VTI1A: variants seen among roughly 807,000 people sequenced by gnomAD.
VTI1A encodes the protein vesicle transport through interaction with t-SNAREs homolog 1A.
In VTI1A, 22 loss-of-function variants were observed where a neutral mutation model predicts 34.9. The ratio of observed to expected loss-of-function variants is 0.63; its 90% CI spans 0.45 to 0.90. The LOEUF is 0.90. VTI1A is among the 40% of genes least tolerant of loss of function. The pLI is 0.00. For missense variants in VTI1A, 268 were observed against 275.6 expected (o/e 0.97, Z 0.20); for synonymous variants, 87 against 97.3 (o/e 0.89, Z 0.62).
rs965823084 is a variant in VTI1A, at chr10:112,816,022, C to A, written c.*639C>A. 1.8e-4 allele frequency: 40 copies of A among 222,800 alleles called. No homozygotes were observed. Among genetic ancestry groups the A allele is most frequent in the African/African-American group, 7.6e-4 (34 of 44,730 alleles). 13.8% of individuals were successfully genotyped at this position (222,800 alleles called of 1,614,324 possible). On this transcript the variant is annotated 3_prime_UTR_variant, in exon 8 of 8. Coordinates refer to ENST00000393077, the MANE Select transcript of VTI1A (RefSeq NM_145206.4). Reference sequence around the variant, plus strand: ...ACCCAAAGATATTTTTTTTGCTGAGCCTGCCCAGTATTCACTGTTCACAAC... The same window carrying A: ...ACCCAAAGATATTTTTTTTGCTGAGACTGCCCAGTATTCACTGTTCACAAC...
chr10:112,714,213 A>G (rs1849527281), intron 7 of VTI1A, among the ~76,000 whole-genome samples: 1 of 152,140 alleles, frequency 6.6e-6, no homozygotes, highest in Admixed American at 6.5e-5. Context: ...GGAAATGGGG[A>G]CATGTGATAT....
intron 5 of VTI1A, among the ~76,000 whole-genome samples, chr10:112,636,022 T>C (rs1235567658): frequency 6.6e-6 from 1 of 152,192 alleles, no homozygotes; most frequent in Non-Finnish European, 1.5e-5. Context: ...TTGGAGAATG[T>C]AGGAAAGAAA....
At chr10:112,465,627 A>G (rs921364294) in intron 3 of VTI1A, among the ~76,000 whole-genome samples, 8 of 152,230 alleles carry the variant, frequency 5.3e-5, no homozygotes, top group African/African-American at 1.9e-4. Context: ...AATACTACAT[A>G]ATTCCACTGA....
intron 7 of VTI1A, among the ~76,000 whole-genome samples, chr10:112,756,852 G>T (rs1206590885): frequency 6.6e-6 from 1 of 152,022 alleles, no homozygotes; most frequent in Non-Finnish European, 1.5e-5. Flanking sequence ...CTCAAAACCA[G>T]CCTGGGCAAC....
rs144015720 is a variant in VTI1A, at chr10:112,515,489, G to A, written c.265-11598G>A. ...ATAGCCTGAGATATAGTGTAACTGT[G>A]GTGAGGTCAATTTACTAGTTTTTGC... On this transcript the variant is annotated intron_variant, in intron 3 of 7. Coordinates refer to ENST00000393077, the MANE Select transcript of VTI1A (RefSeq NM_145206.4). 1.2e-3 allele frequency among the ~76,000 whole-genome samples: 184 copies of A among 152,086 alleles called. 1 individual carries two copies. Among genetic ancestry groups the A allele is most frequent in the African/African-American group, 3.9e-3 (163 of 41,528 alleles).
At chr10:112,717,662 G>T (rs1258054622) in intron 7 of VTI1A, among the ~76,000 whole-genome samples, 1 of 152,122 alleles carries the variant, frequency 6.6e-6, no homozygotes, top group Non-Finnish European at 1.5e-5. Context: ...AAAGCAAGAG[G>T]CAGAAGCTGT....
the VTI1A span, among the ~76,000 whole-genome samples, chr10:112,835,934 G>T: frequency 6.6e-6 from 1 of 152,146 alleles, no homozygotes; most frequent in East Asian, 1.9e-4. Flanking sequence ...GAAATTGCCC[G>T]CAAATGGACA....
At chr10:112,736,889 A>G (rs1850500832) in intron 7 of VTI1A, 1 of 736,998 alleles carries the variant, frequency 1.4e-6, no homozygotes, top group Non-Finnish European at 2.4e-6. Flanking sequence ...TGCTGGTGGA[A>G]GTATTTATAG....
chr10:112,526,375 G>A (rs1455711554), intron 3 of VTI1A, among the ~76,000 whole-genome samples: 1 of 152,058 alleles, frequency 6.6e-6, no homozygotes, highest in Non-Finnish European at 1.5e-5. Flanking sequence ...TAGCCTACTT[G>A]CCTTTATTTA....
intron 5 of VTI1A, among the ~76,000 whole-genome samples, chr10:112,595,470 AAAAC>A (rs1233893748): frequency 2.1e-4 from 32 of 152,320 alleles, no homozygotes; most frequent in African/African-American, 5.8e-4. Flanking sequence ...TACAAGAAAA[AAAAC>A]AAACAACCCC....
intron 3 of VTI1A, among the ~76,000 whole-genome samples, chr10:112,516,673 G>A (rs1411569217): frequency 4.6e-5 from 7 of 151,988 alleles, no homozygotes; most frequent in African/African-American, 1.7e-4. Flanking sequence ...AAAGAATGGG[G>A]ACTAATGCAT....
At chr10:112,465,925 T>G (rs1421858745) in intron 3 of VTI1A, among the ~76,000 whole-genome samples, 1 of 152,204 alleles carries the variant, frequency 6.6e-6, no homozygotes, top group Non-Finnish European at 1.5e-5. Context: ...TTAAAAACCC[T>G]GCTAATGATA....
At chr10:112,602,282 A>G (rs1459489259) in intron 5 of VTI1A, among the ~76,000 whole-genome samples, 1 of 152,182 alleles carries the variant, frequency 6.6e-6, no homozygotes, top group Non-Finnish European at 1.5e-5. Flanking sequence ...CTGTTTATTG[A>G]GCGAATGAAA....
At chr10:112,719,184 C>G (rs777821417) in intron 7 of VTI1A, among the ~76,000 whole-genome samples, 1 of 152,134 alleles carries the variant, frequency 6.6e-6, no homozygotes, top group African/African-American at 2.4e-5. Context: ...AGTCGATCCT[C>G]GGTAGTAAAA....
At chr10:112,754,386 A>C (rs1851209112) in intron 7 of VTI1A, among the ~76,000 whole-genome samples, 2 of 152,094 alleles carry the variant, frequency 1.3e-5, no homozygotes, top group South Asian at 4.1e-4. Context: ...GATTCTCTGT[A>C]GAATCCAGGA....
chr10:112,801,030 T>C lies in VTI1A; in HGVS notation c.561-14260T>C, dbSNP rs190308866. Among the ~76,000 whole-genome samples, 14 of 152,296 alleles carry C rather than the reference T, an allele frequency of 9.2e-5. No individual in the cohort carries two copies. The East Asian group carries it at 2.5e-3, about 27-fold the overall frequency. On this transcript the variant is annotated intron_variant, in intron 7 of 7. Coordinates refer to ENST00000393077, the MANE Select transcript of VTI1A (RefSeq NM_145206.4). ...TGTAGTATGTGGCTTCTCTGGAGGC[T>C]GAAAAGGATGAGGGACCTTCAGAAA...
chr10:112,851,180 T>C, the VTI1A span, among the ~76,000 whole-genome samples: 1,810 of 152,296 alleles, frequency 0.012, 27 homozygotes, highest in Non-Finnish European at 0.017. Flanking sequence ...GTGTGTGGGG[T>C]GATCCTAAAA....
chr10:112,691,262 AAAATAAATAAAT>A (rs67534865), intron 7 of VTI1A, among the ~76,000 whole-genome samples: 2,642 of 140,268 alleles, frequency 0.019, 81 homozygotes, highest in African/African-American at 0.065. Context: ...CTCTGCCTCA[AAAATAAATAAAT>A]AAATAAATAA....
At chr10:112,584,203 A>G (rs1230135185) in intron 5 of VTI1A, among the ~76,000 whole-genome samples, 1 of 152,162 alleles carries the variant, frequency 6.6e-6, no homozygotes. Flanking sequence ...TTATGGTAGT[A>G]TTTTGGGTGG....
Sources: allele counts gnomAD v4.1 joint callset (sites outside exome capture counted in the v4.1 genomes callset), GRCh38; gene constraint gnomAD v4.1.1; transcripts MANE v1.5; gene names NCBI Gene and HGNC (gene_info 2026-07-23, HGNC 2026-07-21).